Variants in EMP2 observed in about 807,000 individuals in gnomAD.
EMP2 encodes epithelial membrane protein 2.
Under a neutral mutation model 13.7 loss-of-function variants are expected in EMP2, and 19 were observed. The observed-to-expected ratio is 1.38, with a 90% CI of 0.97 to 2.03. EMP2 has a LOEUF of 2.03. Among genes scored for constraint, EMP2 ranks in the 30% most tolerant of loss-of-function variants. The pLI is 0.00. For missense variants in EMP2, 253 were observed against 220.7 expected (o/e 1.15, Z -0.93); for synonymous variants, 97 against 84.7 (o/e 1.15, Z -0.80).
At chr16:10,569,797 C>T (rs558326303) in intron 1 of EMP2, among the ~76,000 whole-genome samples, 16 of 152,248 alleles carry the variant, frequency 1.1e-4, no homozygotes, top group Middle Eastern at 3.4e-3. Context: ...CTGGGTGTGT[C>T]GATGATTAAG....
intron 4 of EMP2, among the ~76,000 whole-genome samples, chr16:10,536,033 T>C (rs1218370774): frequency 1.3e-5 from 2 of 151,962 alleles, no homozygotes; most frequent in Non-Finnish European, 2.9e-5. Flanking sequence ...TGTGGTGGAC[T>C]TGGGGGGTTC....
intron 1 of EMP2, among the ~76,000 whole-genome samples, chr16:10,569,338 GT>G (rs2050931211): frequency 6.6e-6 from 1 of 152,034 alleles, no homozygotes; most frequent in African/African-American, 2.4e-5. Flanking sequence ...ATTCTGTTTT[GT>G]TTTTTGTTTT....
intron 1 of EMP2, among the ~76,000 whole-genome samples, chr16:10,559,449 G>A (rs890089595): frequency 1.3e-5 from 2 of 152,214 alleles, no homozygotes; most frequent in African/African-American, 2.4e-5. Flanking sequence ...CAACAGGCGG[G>A]ACACTGGAAT....
intron 2 of EMP2, 30 bp from the exon 3 acceptor site, chr16:10,543,690 G>A: frequency 6.3e-7 from 1 of 1,599,244 alleles, no homozygotes; most frequent in Non-Finnish European, 8.6e-7. Flanking sequence ...TAGAGAGAAA[G>A]GCCGTCCGTT....
At chr16:10,549,653 G>T (rs934183121) in intron 1 of EMP2, among the ~76,000 whole-genome samples, 1 of 151,884 alleles carries the variant, frequency 6.6e-6, no homozygotes, top group South Asian at 2.1e-4. Context: ...AGTACAGTGC[G>T]AATCAGACCT....
intron 3 of EMP2, among the ~76,000 whole-genome samples, chr16:10,542,365 T>A (rs184786318): frequency 3.3e-3 from 504 of 152,092 alleles, no homozygotes; most frequent in Non-Finnish European, 5.4e-3. Context: ...ACCACTGCAC[T>A]CCAGCCTGGG....
At chr16:10,563,460 G>T (rs776616059) in intron 1 of EMP2, among the ~76,000 whole-genome samples, 1 of 152,190 alleles carries the variant, frequency 6.6e-6, no homozygotes, top group African/African-American at 2.4e-5. Context: ...CCAAAGTGCT[G>T]GGATTATAGG....
At position 10,570,991 on chromosome 16, in the gene EMP2, G is replaced by C. The variant is rs2050942961; in HGVS notation, c.-61+9558C>G. Among the ~76,000 whole-genome samples the C allele has an allele frequency of 2.0e-5, 3 of 151,886 alleles. No homozygotes were observed. In the South Asian group the frequency reaches 6.3e-4, roughly 32 times the overall value. On this transcript the variant is annotated intron_variant, in intron 1 of 4. Coordinates refer to ENST00000359543, the MANE Select transcript of EMP2 (RefSeq NM_001424.6). ...TTGCAGGAACTGGCAGGGGCCGGTG[G>C]CTCATGCCTGTAATCCCAGCACTTT...
intron 1 of EMP2, among the ~76,000 whole-genome samples, chr16:10,560,432 A>T (rs1432554739): frequency 6.6e-6 from 1 of 152,206 alleles, no homozygotes; most frequent in Non-Finnish European, 1.5e-5. Flanking sequence ...AATCAAAGTT[A>T]AGGAGTTTGT....
chr16:10,555,807 G>A (rs1003931756), intron 1 of EMP2, among the ~76,000 whole-genome samples: 4 of 152,056 alleles, frequency 2.6e-5, no homozygotes, highest in African/African-American at 9.7e-5. Flanking sequence ...GGCTGGTCTT[G>A]AACTCCCAAT....
rs150696505 is a variant in EMP2, at chr16:10,533,197, C to T, written c.317-105G>A. ...TTGAAGACAAACTTCAGCTTTTATT[C>T]TTTGTTTATTATTATTTTGTTGTAG... On this transcript the variant is annotated intron_variant, in intron 4 of 4. Coordinates refer to ENST00000359543, the MANE Select transcript of EMP2 (RefSeq NM_001424.6). The T allele has an allele frequency of 7.3e-4, 793 of 1,090,992 alleles. 1 individual carries two copies. The highest frequency in any genetic ancestry group is 2.8e-3 in the Middle Eastern group (12 of 4,350). 67.6% of individuals were successfully genotyped at this position (1,090,992 alleles called of 1,614,324 possible).
intron 1 of EMP2, among the ~76,000 whole-genome samples, chr16:10,553,898 C>G (rs2050807851): frequency 6.6e-6 from 1 of 152,234 alleles, no homozygotes; most frequent in African/African-American, 2.4e-5. Context: ...GGCGTTGAAG[C>G]AAAGAGTATG....
chr16:10,549,224 G>A (rs948446590), intron 1 of EMP2, among the ~76,000 whole-genome samples: 4 of 152,172 alleles, frequency 2.6e-5, no homozygotes. Context: ...ACATACAAGA[G>A]GAAGCAATTG....
rs148871784 is a variant in EMP2, at chr16:10,541,338, A to G, written c.169+2232T>C. On this transcript the variant is annotated intron_variant, in intron 3 of 4. Transcript: ENST00000359543. ...AAACTTTTTCAGTAGAGGGACAGACAGTGAATATTTTAGGTTTTGTGAACC... is the reference window on the plus strand; with the variant it reads ...AAACTTTTTCAGTAGAGGGACAGACGGTGAATATTTTAGGTTTTGTGAACC... Among the ~76,000 whole-genome samples, 287 of 152,320 alleles carry G rather than the reference A, an allele frequency of 1.9e-3. 2 individuals are homozygous for G. Among genetic ancestry groups the G allele is most frequent in the Non-Finnish European group, 1.9e-3 (131 of 68,034 alleles).
At chr16:10,553,760 A>G (rs773704195) in intron 1 of EMP2, among the ~76,000 whole-genome samples, 13 of 152,228 alleles carry the variant, frequency 8.5e-5, no homozygotes, top group Non-Finnish European at 1.9e-4. Flanking sequence ...CTGGTTCCCT[A>G]TTGGTAGCCA....
intron 1 of EMP2, among the ~76,000 whole-genome samples, chr16:10,571,298 A>G (rs559822886): frequency 2.8e-4 from 42 of 151,222 alleles, no homozygotes; most frequent in African/African-American, 9.0e-4. Context: ...TGCAGGAACT[A>G]AGAAAAAAGA....
At position 10,538,027 on chromosome 16, in the gene EMP2, T is replaced by C. The variant is rs1467172857; in HGVS notation, c.217A>G (p.Ile73Val). Residue 73 changes from isoleucine to valine, a missense_variant, in exon 4 of 5, where the codon ATT becomes GTT. Ile to Val is a conservative substitution (Grantham distance 29). Transcript: ENST00000359543. The stretch of plus-strand genomic sequence containing the variant: ...ATGAAGAAGGCGATGCAGCAGAGAA[T>C]GGTGGAGAGGATCATGGTGGCCTGG... ...AVQATMILST[I>V]LCCIAFFIFV... The C allele has an allele frequency of 6.2e-7, 1 of 1,614,006 alleles. No individual in the cohort carries two copies. The highest frequency in any genetic ancestry group is 1.7e-5 in the Admixed American group (1 of 60,020).
chr16:10,570,588 G>C (rs1413533500), intron 1 of EMP2, among the ~76,000 whole-genome samples: 1 of 152,150 alleles, frequency 6.6e-6, no homozygotes, highest in African/African-American at 2.4e-5. Flanking sequence ...AGTAGAAACA[G>C]GGTTTCTTTA....
At chr16:10,557,959 A>T (rs2142195597) in intron 1 of EMP2, among the ~76,000 whole-genome samples, 1 of 152,044 alleles carries the variant, frequency 6.6e-6, no homozygotes, top group South Asian at 2.1e-4. Context: ...GGGGTGAGAC[A>T]CTGGGAACTG....
Sources: gnomAD v4.1 joint callset for allele counts (sites outside exome capture counted in the v4.1 genomes callset) on GRCh38, gnomAD v4.1.1 for gene constraint, MANE v1.5 for transcripts, NCBI Gene and HGNC (gene_info 2026-07-23, HGNC 2026-07-21) for gene names.